The following MAST3 variants were observed in gnomAD, a reference collection of about 807,000 sequenced individuals.
MAST3 encodes microtubule associated serine/threonine kinase 3, also known as microtubule-associated serine/threonine-protein kinase 3.
Under a neutral mutation model 127.0 loss-of-function variants are expected in MAST3, and 43 were observed. That is an observed-to-expected ratio of 0.34 (90% confidence interval 0.27 to 0.44). MAST3 has a LOEUF of 0.44. MAST3 is among the 20% of genes least tolerant of loss of function. The pLI is 1.00. For synonymous variants in MAST3, 785 were observed against 809.2 expected (o/e 0.97, Z 0.51); for missense variants, 1,390 against 1,919.1 (o/e 0.72, Z 5.15).
At chr19:18,126,524 C>G (rs1421487844) in intron 11 of MAST3, among the ~76,000 whole-genome samples, 4 of 152,188 alleles carry the variant, frequency 2.6e-5, no homozygotes, top group African/African-American at 9.7e-5. Flanking sequence ...GTAATCCCAG[C>G]ACTGTGGGAG....
intron 3 of MAST3, chr19:18,118,052 C>T (rs747056261): frequency 2.1e-6 from 2 of 969,848 alleles, no homozygotes; most frequent in Non-Finnish European, 2.5e-6. Context: ...CCCATCCCCG[C>T]AGCCCCGTGC....
chr19:18,149,985 C>CTTTTTTTTT lies in MAST3; in HGVS notation c.*270_*278dup, dbSNP rs61501122. On this transcript the variant is annotated 3_prime_UTR_variant, in exon 28 of 28. Transcript: ENST00000687212. The surrounding 1 kb of genome is among the most constrained non-coding windows in gnomAD (Gnocchi z 5.9). Reference sequence around the variant, plus strand: ...GCAACTAATTTATTACTTTTTTTTTCTTTTTTTTTTTTTTTTTTTGAGACA... The same window carrying CTTTTTTTTT: ...GCAACTAATTTATTACTTTTTTTTTCTTTTTTTTTTTTTTTTTTTTTTTTTTTTGAGACA... 2.6e-5 allele frequency: 5 copies of CTTTTTTTTT among 195,554 alleles called. No homozygotes were observed. The highest frequency in any genetic ancestry group is 4.7e-5 in the South Asian group (1 of 21,440). The allele number at this position is 195,554 out of a possible 1,614,324, so 12.1% of individuals were successfully genotyped here.
At chr19:18,138,320 GTT>G (rs66532271) in intron 19 of MAST3, among the ~76,000 whole-genome samples, 132,039 of 142,270 alleles carry the variant, frequency 0.93, 61,211 homozygotes, top group East Asian at 0.96. Context: ...CCCACAACCT[GTT>G]TTTTTTTTTT....
At position 18,144,024 on chromosome 19, in the gene MAST3, G is replaced by A. The variant is rs372337326; in HGVS notation, c.2584+17G>A. The A allele has an allele frequency of 4.1e-5, 64 of 1,552,844 alleles. No individual in the cohort carries two copies. The highest frequency in any genetic ancestry group is 5.2e-5 in the Non-Finnish European group (60 of 1,148,148). ...GCCTTTCTGGTAAGTGGGGCCCTGA[G>A]TAAGAGGGATGATGTCATGGAAGTT... On this transcript the variant is annotated intron_variant, in intron 22 of 27. Coordinates refer to ENST00000687212, the MANE Select transcript of MAST3 (RefSeq NM_001393504.1). This position sits in a 1 kb window ranked among gnomAD's most constrained non-coding sequence, Gnocchi z 4.0.
intron 8 of MAST3, 43 bp downstream of exon 8, chr19:18,123,698 C>T: frequency 6.9e-7 from 1 of 1,442,994 alleles, no homozygotes; most frequent in Non-Finnish European, 9.3e-7. Context: ...GCACTTCTTT[C>T]CACATTGCTG....
At position 18,110,752 on chromosome 19, in the gene MAST3, G is replaced by C; in HGVS notation, c.161+11G>C. On this transcript the variant is annotated intron_variant, in intron 3 of 27. Transcript: ENST00000687212. The surrounding 1 kb of genome is among the most constrained non-coding windows in gnomAD (Gnocchi z 4.3). ...CCTGCACCCCTGGAGGTAAGTGACA[G>C]CGCGTGTGGGCGGGGCGCAGACATC... is the stretch of plus-strand genomic sequence containing the variant. The C allele has an allele frequency of 2.0e-6, 2 of 983,084 alleles. No homozygotes were observed. The highest frequency in any genetic ancestry group is 2.4e-6 in the Non-Finnish European group (2 of 827,362). 60.9% of individuals were successfully genotyped at this position (983,084 alleles called of 1,614,324 possible). A position where few individuals can be genotyped will look rare whatever the true frequency, so the allele number is the denominator to read the frequency against.
Position 18,144,904 on chromosome 19 carries a change from C to A in MAST3, c.2813-99C>A. 2.3e-6 allele frequency: 2 copies of A among 872,318 alleles called. No individual in the cohort carries two copies. Among genetic ancestry groups the A allele is most frequent in the Non-Finnish European group, 3.7e-6 (2 of 545,004 alleles). The allele number at this position is 872,318 out of a possible 1,614,324, so 54.0% of individuals were successfully genotyped here. Reference sequence around the variant, plus strand: ...GGTGACCATGCTTGGGACATTGAAGCAACAGCAAAGTGGCCAGGGTGGTCG... The same window carrying A: ...GGTGACCATGCTTGGGACATTGAAGAAACAGCAAAGTGGCCAGGGTGGTCG... On this transcript the variant is annotated intron_variant, in intron 23 of 27. Coordinates refer to ENST00000687212, the MANE Select transcript of MAST3 (RefSeq NM_001393504.1). The surrounding 1 kb of genome is among the most constrained non-coding windows in gnomAD (Gnocchi z 4.0).
intron 11 of MAST3, 47 bp downstream of exon 11, chr19:18,124,821 G>A: frequency 1.3e-6 from 2 of 1,548,040 alleles, no homozygotes; most frequent in African/African-American, 1.4e-5. Context: ...AAGGCCGGAT[G>A]GAGGCCAGGC....
chr19:18,122,755 C>T lies in MAST3; in HGVS notation c.399+4C>T, dbSNP rs199833354. On this transcript the variant is annotated splice_donor_region_variant and intron_variant, in intron 6 of 27. Coordinates refer to ENST00000687212, the MANE Select transcript of MAST3 (RefSeq NM_001393504.1). The stretch of plus-strand genomic sequence containing the variant: ...CACACCCAGCTCCACCCTCTCGGTA[C>T]CCATAGCCCCACCTTGGCAGGTGGA... The T allele has an allele frequency of 6.2e-7, 1 of 1,612,586 alleles. No homozygotes were observed. Among genetic ancestry groups the T allele is most frequent in the Non-Finnish European group, 8.5e-7 (1 of 1,179,268 alleles).
Position 18,106,266 on chromosome 19 carries a change from T to C in MAST3, c.40-1321T>C, listed in dbSNP as rs115570419. ...CCACACCTGGCTAATTTTTTTTTCTTTTTTGAGACGGAATCTCTCATTGTT... is the reference window on the plus strand; with the variant it reads ...CCACACCTGGCTAATTTTTTTTTCTCTTTTGAGACGGAATCTCTCATTGTT... On this transcript the variant is annotated intron_variant, in intron 1 of 27. Transcript: ENST00000687212. Among the ~76,000 whole-genome samples, 559 of 152,126 alleles carry C rather than the reference T, an allele frequency of 3.7e-3. 4 individuals are homozygous for C. The highest frequency in any genetic ancestry group is 0.013 in the African/African-American group (531 of 41,512).
At position 18,150,004 on chromosome 19, in the gene MAST3, T is replaced by G. The variant is rs1599944057; in HGVS notation, c.*278T>G. ...TTTTTTCTTTTTTTTTTTTTTTTTT[T>G]GAGACAGAGTCTCACTCTGTTGCCC... is the stretch of plus-strand genomic sequence containing the variant. On this transcript the variant is annotated 3_prime_UTR_variant, in exon 28 of 28. Transcript: ENST00000687212. The G allele has an allele frequency of 3.6e-6, 1 of 274,822 alleles. No homozygotes were observed. The highest frequency in any genetic ancestry group is 6.4e-6 in the Non-Finnish European group (1 of 156,620). 17.0% of individuals were successfully genotyped at this position (274,822 alleles called of 1,614,324 possible).
At position 18,143,867 on chromosome 19, in the gene MAST3, T is replaced by A; in HGVS notation, c.2444T>A (p.Met815Lys). Residue 815 changes from methionine (M) to lysine (K), a missense_variant, in exon 22 of 28, where the codon ATG becomes AAG. By Grantham distance (95) the Met-to-Lys change is moderately conservative. This residue lies in a region of MAST3 where 816 missense variants were observed against 934.1 expected (regional missense o/e 0.87). Coordinates refer to ENST00000687212, the MANE Select transcript of MAST3 (RefSeq NM_001393504.1). Reference protein sequence around the residue: ...SLLNTISLDTMPKFAFSSEDE... With the variant: ...SLLNTISLDTKPKFAFSSEDE... ...CTGAATACCATCAGCCTGGACACAATGCCCAAGTTTGCCTTCTCATCAGAG... is the reference window on the plus strand; with the variant it reads ...CTGAATACCATCAGCCTGGACACAAAGCCCAAGTTTGCCTTCTCATCAGAG... The A allele has an allele frequency of 6.2e-7, 1 of 1,613,932 alleles. No individual in the cohort carries two copies. The highest frequency in any genetic ancestry group is 8.5e-7 in the Non-Finnish European group (1 of 1,179,884).
chr19:18,133,034 G>C (rs2041493793), intron 15 of MAST3, among the ~76,000 whole-genome samples: 1 of 152,082 alleles, frequency 6.6e-6, no homozygotes, highest in South Asian at 2.1e-4. Context: ...ACCCGGCGGA[G>C]GTTGCAATGA....
Position 18,132,055 on chromosome 19 carries a change from G to GAGCT in MAST3, c.1571+12_1571+15dup. On this transcript the variant is annotated intron_variant, in intron 15 of 27. Coordinates refer to ENST00000687212, the MANE Select transcript of MAST3 (RefSeq NM_001393504.1). ...TGACCTCAAACCAGACAAGTGAGCT[G>GAGCT]AGCTAGCATGAGCGGGGCCTCGCGG... 6.2e-7 allele frequency: 1 copy of GAGCT among 1,613,926 alleles called. No individual in the cohort carries two copies. The highest frequency in any genetic ancestry group is 8.5e-7 in the Non-Finnish European group (1 of 1,179,876).
chr19:18,124,461 G>A (rs1367666768), intron 10 of MAST3, 95 bp downstream of exon 10: 15 of 1,381,522 alleles, frequency 1.1e-5, no homozygotes, highest in South Asian at 3.8e-5. Flanking sequence ...AGTTCCCATC[G>A]TGTAGGGCTT....
chr19:18,147,711 T>TA, intron 27 of MAST3, 87 bp downstream of exon 27: 1 of 921,764 alleles, frequency 1.1e-6, no homozygotes. Flanking sequence ...GTTCAGGGGA[T>TA]GGAATGACAC....
chr19:18,145,915 C>A lies in MAST3; in HGVS notation c.3162+50C>A. 3 of 1,523,808 alleles carry A rather than the reference C, an allele frequency of 2.0e-6. No individual in the cohort carries two copies. The highest frequency in any genetic ancestry group is 2.6e-6 in the Non-Finnish European group (3 of 1,144,716). The allele number at this position is 1,523,808 out of a possible 1,614,324, so 94.4% of individuals were successfully genotyped here. A position where few individuals can be genotyped will look rare whatever the true frequency, so the allele number is the denominator to read the frequency against. ...TCAGGGCTCCCCAGCACCCCTTGGC[C>A]GCAGCTCCCGGTTCCCCGTGGTTCT... On this transcript the variant is annotated intron_variant, in intron 25 of 27. Coordinates refer to ENST00000687212, the MANE Select transcript of MAST3 (RefSeq NM_001393504.1). The surrounding 1 kb of genome is among the most constrained non-coding windows in gnomAD (Gnocchi z 5.9).
chr19:18,123,279 G>A lies in MAST3; in HGVS notation c.462G>A (p.Leu154=). 1.2e-6 allele frequency: 2 copies of A among 1,613,862 alleles called. No individual in the cohort carries two copies. Among genetic ancestry groups the A allele is most frequent in the South Asian group, 1.1e-5 (1 of 91,076 alleles). ...QLPFQPTPDE[L]HFLSKHFRSS... is the part of the protein sequence containing the mutation. ...CCTTCCAGCCGACGCCGGACGAGCT[G>A]CACTTCCTGTCCAAGCACTTCCGCA... Residue 154 remains leucine (L), a synonymous_variant, in exon 7 of 28, where the codon CTG becomes CTA. Coordinates refer to ENST00000687212, the MANE Select transcript of MAST3 (RefSeq NM_001393504.1).
At chr19:18,132,188 G>A in intron 15 of MAST3, 141 bp downstream of exon 15, 1 of 1,175,180 alleles carries the variant, frequency 8.5e-7, no homozygotes, top group South Asian at 1.5e-5. Flanking sequence ...AGCTCTGTTG[G>A]TACCTCCTGA....
Sources: gnomAD v4.1 joint callset for allele counts (sites outside exome capture counted in the v4.1 genomes callset) on GRCh38, gnomAD v4.1.1 for gene constraint, gnomAD v4.1.1 regional missense constraint, Gnocchi (gnomAD v3.1) non-coding constraint, MANE v1.5 for transcripts, NCBI Gene and HGNC (gene_info 2026-07-23, HGNC 2026-07-21) for gene names.